BCAS3: variants seen among roughly 807,000 people sequenced by gnomAD.
BCAS3 encodes the protein BCAS3 microtubule associated cell migration factor, also known as BCAS4/BCAS3 fusion.
In BCAS3, 53 loss-of-function variants were observed where a neutral mutation model predicts 116.1. That is an observed-to-expected ratio of 0.46 (90% CI 0.37 to 0.57). The LOEUF is 0.57. Ranked by LOEUF, BCAS3 falls within the 20% of genes least tolerant of loss-of-function variation. The probability of loss-of-function intolerance (pLI) is 0.00; values close to 1 mark genes in which losing one functional copy is unlikely to be tolerated. For synonymous variants in BCAS3, 391 were observed against 408.2 expected (o/e 0.96, Z 0.51); for missense variants, 917 against 1,165.4 (o/e 0.79, Z 3.10).
In BCAS3 at chr17:60,993,167, G is replaced by A. The variant is rs7214684; in HGVS notation, c.1486+2932G>A. ...GGGCATTCCTACCCTCATAGATCTT[G>A]TATTCCACGGGAAAAGACAGATATT... is the stretch of plus-strand genomic sequence containing the variant. On this transcript the variant is annotated intron_variant, in intron 15 of 23. Coordinates refer to ENST00000407086, the MANE Select transcript of BCAS3 (RefSeq NM_017679.5). This position sits in a 1 kb window ranked among gnomAD's most constrained non-coding sequence, Gnocchi z 4.2. 0.07 allele frequency among the ~76,000 whole-genome samples: 10,587 copies of A among 152,148 alleles called. 1,111 individuals are homozygous for A. Among genetic ancestry groups the A allele is most frequent in the African/African-American group, 0.23 (9,449 of 41,474 alleles).
At chr17:60,900,403 G>A (rs1322444065) in intron 10 of BCAS3, among the ~76,000 whole-genome samples, 1 of 152,008 alleles carries the variant, frequency 6.6e-6, no homozygotes, top group Non-Finnish European at 1.5e-5. Flanking sequence ...GGTTGGGGAT[G>A]TGGGCCGCTG....
Position 61,229,882 on chromosome 17 carries a change from T to C in BCAS3, c.2426-138445T>C, listed in dbSNP as rs973078544. Among the ~76,000 whole-genome samples the C allele has an allele frequency of 5.3e-5, 8 of 152,208 alleles. No individual in the cohort carries two copies. Among genetic ancestry groups the C allele is most frequent in the East Asian group, 1.9e-4 (1 of 5,196 alleles). ...GCTTACGCCTGTAATCCCAGCACTT[T>C]GGGAGGCCAAGGCGGGCGGTTCACC... On this transcript the variant is annotated intron_variant, in intron 22 of 23. Coordinates refer to ENST00000407086, the MANE Select transcript of BCAS3 (RefSeq NM_017679.5). The surrounding 1 kb of genome is among the most constrained non-coding windows in gnomAD (Gnocchi z 4.4).
intron 15 of BCAS3, among the ~76,000 whole-genome samples, chr17:61,009,892 C>T (rs1328383303): frequency 2.0e-5 from 3 of 151,960 alleles, no homozygotes; most frequent in South Asian, 2.1e-4. Context: ...ACTTTGCAGC[C>T]ACATTACCTG....
At chr17:61,046,096 A>AAT (rs1212105077) in intron 19 of BCAS3, among the ~76,000 whole-genome samples, 28 of 49,372 alleles carry the variant, frequency 5.7e-4, no homozygotes, top group South Asian at 2.3e-3. Flanking sequence ...ATATATATAT[A>AAT]ATATATATAT....
chr17:61,260,350 C>T (rs1249433257), intron 22 of BCAS3, among the ~76,000 whole-genome samples: 2 of 152,068 alleles, frequency 1.3e-5, no homozygotes, highest in Non-Finnish European at 2.9e-5. Context: ...GGAATTGAAA[C>T]GCTTAAGTAA....
rs1047829645 is a variant in BCAS3 at position 61,132,584 on chromosome 17, G to A, written c.2425+48020G>A. Among the ~76,000 whole-genome samples, 5 of 152,154 alleles carry A rather than the reference G, an allele frequency of 3.3e-5. No homozygotes were observed. The highest frequency in any genetic ancestry group is 6.5e-5 in the Admixed American group (1 of 15,274). On this transcript the variant is annotated intron_variant, in intron 22 of 23. Transcript: ENST00000407086. This position sits in a 1 kb window ranked among gnomAD's most constrained non-coding sequence, Gnocchi z 5.1. ...ATGGGTCTCTAAACTATATTGAGTGGTCAAAATGCCACATTCAGAATACTT... is the reference window on the plus strand; with the variant it reads ...ATGGGTCTCTAAACTATATTGAGTGATCAAAATGCCACATTCAGAATACTT...
intron 4 of BCAS3, among the ~76,000 whole-genome samples, chr17:60,698,183 CAAAA>C (rs759028839): frequency 2.8e-3 from 156 of 55,284 alleles, no homozygotes; most frequent in African/African-American, 9.5e-3. Context: ...CTCCGTCTCA[CAAAA>C]AAAAAAAAAA....
intron 22 of BCAS3, among the ~76,000 whole-genome samples, chr17:61,264,898 A>G (rs1357629548): frequency 6.6e-6 from 1 of 152,214 alleles, no homozygotes; most frequent in Non-Finnish European, 1.5e-5. Context: ...GAGCTAAGCC[A>G]TTAATTATGG....
At chr17:61,117,075 C>T (rs2075512943) in intron 22 of BCAS3, among the ~76,000 whole-genome samples, 1 of 152,144 alleles carries the variant, frequency 6.6e-6, no homozygotes, top group South Asian at 2.1e-4. Flanking sequence ...TTTTCAAATA[C>T]TTTGCCAACC....
At position 61,029,304 on chromosome 17, in the gene BCAS3, G is replaced by C. The variant is rs2066468382; in HGVS notation, c.1638-5362G>C. Among the ~76,000 whole-genome samples the C allele has an allele frequency of 6.6e-6, 1 of 151,858 alleles. No homozygotes were observed. The highest frequency in any genetic ancestry group is 1.5e-5 in the Non-Finnish European group (1 of 67,832). On this transcript the variant is annotated intron_variant, in intron 16 of 23. Transcript: ENST00000407086. The surrounding 1 kb of genome is among the most constrained non-coding windows in gnomAD (Gnocchi z 5.2). Reference sequence around the variant, plus strand: ...AGTCCTTTACATTCATATACTTTCAGATGAGTCGTTATAAAATACAGTCGT... The same window carrying C: ...AGTCCTTTACATTCATATACTTTCACATGAGTCGTTATAAAATACAGTCGT...
In BCAS3 at chr17:61,162,100, A is replaced by C. The variant is rs1019808331; in HGVS notation, c.2425+77536A>C. On this transcript the variant is annotated intron_variant, in intron 22 of 23. Coordinates refer to ENST00000407086, the MANE Select transcript of BCAS3 (RefSeq NM_017679.5). This position sits in a 1 kb window ranked among gnomAD's most constrained non-coding sequence, Gnocchi z 5.6. The stretch of plus-strand genomic sequence containing the variant: ...GTTTGATCTGTATGTGGATGGTTTT[A>C]CTACCCCAAATGAAATGTACGTATC... 1.3e-5 allele frequency among the ~76,000 whole-genome samples: 2 copies of C among 152,210 alleles called. No individual in the cohort carries two copies. The highest frequency in any genetic ancestry group is 4.8e-5 in the African/African-American group (2 of 41,458).
intron 4 of BCAS3, among the ~76,000 whole-genome samples, chr17:60,691,121 C>T (rs1459165938): frequency 1.3e-5 from 2 of 151,800 alleles, no homozygotes; most frequent in African/African-American, 2.4e-5. Flanking sequence ...TTAGTAGAGA[C>T]GAGGTTTCAC....
At position 61,062,126 on chromosome 17, in the gene BCAS3, G is replaced by A. The variant is rs138385853; in HGVS notation, c.2030-12794G>A. Among the ~76,000 whole-genome samples the A allele has an allele frequency of 5.5e-4, 84 of 152,174 alleles. 3 individuals are homozygous for A. In the East Asian group the frequency reaches 0.015, roughly 28 times the overall value. ...TTGACTATGGTGTGCTGCACCATCT[G>A]TATCAATTGTATTGTTCCTATTCCA... On this transcript the variant is annotated intron_variant, in intron 19 of 23. Coordinates refer to ENST00000407086, the MANE Select transcript of BCAS3 (RefSeq NM_017679.5).
chr17:61,226,251 GT>G lies in BCAS3; in HGVS notation c.2425+141689del, dbSNP rs1398927720. ...CTATCAAATGCATTTTCACATTCTT[GT>G]TATGTCCAAAATTCTCTATAAAAAA... is the stretch of plus-strand genomic sequence containing the variant. On this transcript the variant is annotated intron_variant, in intron 22 of 23. Transcript: ENST00000407086. The surrounding 1 kb of genome is among the most constrained non-coding windows in gnomAD (Gnocchi z 6.0). 6.6e-6 allele frequency among the ~76,000 whole-genome samples: 1 copy of G among 152,082 alleles called. No individual in the cohort carries two copies. The highest frequency in any genetic ancestry group is 1.5e-5 in the Non-Finnish European group (1 of 68,014).
chr17:60,838,548 A>G (rs897981688), intron 7 of BCAS3, among the ~76,000 whole-genome samples: 2 of 151,992 alleles, frequency 1.3e-5, no homozygotes, highest in African/African-American at 4.8e-5. Context: ...ATAGAAAGGT[A>G]TAGGTTAGAG....
chr17:60,854,430 G>T (rs899083337), intron 7 of BCAS3, among the ~76,000 whole-genome samples: 1 of 152,074 alleles, frequency 6.6e-6, no homozygotes, highest in Non-Finnish European at 1.5e-5. Context: ...GGGATGGCTG[G>T]GTCAAATGGT....
intron 22 of BCAS3, among the ~76,000 whole-genome samples, chr17:61,176,930 C>T (rs1451181672): frequency 2.0e-5 from 3 of 151,968 alleles, no homozygotes; most frequent in Non-Finnish European, 4.4e-5. Flanking sequence ...CTATAGATGG[C>T]AAAGAAGCAT....
intron 22 of BCAS3, among the ~76,000 whole-genome samples, chr17:61,359,343 T>C (rs1301878889): frequency 6.6e-6 from 1 of 152,186 alleles, no homozygotes; most frequent in Non-Finnish European, 1.5e-5. Context: ...TTGGCTTTTA[T>C]TTGTGATTCA....
At chr17:60,797,195 C>A (rs1463668612) in intron 6 of BCAS3, among the ~76,000 whole-genome samples, 1 of 152,000 alleles carries the variant, frequency 6.6e-6, no homozygotes, top group Non-Finnish European at 1.5e-5. Flanking sequence ...CGTGCTTGGC[C>A]GTTTTCCTTC....
Sources: gnomAD v4.1 joint callset for allele counts (sites outside exome capture counted in the v4.1 genomes callset) on GRCh38, gnomAD v4.1.1 for gene constraint, Gnocchi (gnomAD v3.1) non-coding constraint, MANE v1.5 for transcripts, NCBI Gene and HGNC (gene_info 2026-07-23, HGNC 2026-07-21) for gene names.